Variants in LMF1 observed in about 807,000 individuals in gnomAD.
The protein encoded by LMF1 is lipase maturation factor 1.
A neutral mutation model predicts 60.6 loss-of-function variants in LMF1; 68 were observed. The ratio of observed to expected loss-of-function variants is 1.12; its 90% CI spans 0.92 to 1.37. The LOEUF (loss-of-function observed/expected upper bound fraction) is 1.37. LMF1 is among the 40% of genes most tolerant of loss of function. LMF1 has a pLI of 0.00. For synonymous variants in LMF1, 418 were observed against 324.7 expected, an observed-to-expected ratio of 1.29 and a Z score of -3.09; for missense variants, 948 against 767.2, an observed-to-expected ratio of 1.24 and a Z score of -2.78.
chr16:947,380 T>C (rs2072263152), intron 2 of LMF1: 2 of 423,406 alleles, frequency 4.7e-6, no homozygotes, highest in South Asian at 3.4e-5. Flanking sequence ...GTGTTGCAGG[T>C]ACTTGTGGAA....
Position 870,884 on chromosome 16 carries a change from T to G in LMF1, c.1079-2A>C, listed in dbSNP as rs769211813. The G allele has an allele frequency of 1.2e-6, 2 of 1,603,654 alleles. No individual in the cohort carries two copies. Among genetic ancestry groups the G allele is most frequent in the Non-Finnish European group, 1.7e-6 (2 of 1,178,014 alleles). ...TGGCTGCACGCCGCACCACGGAGCC[T>G]GGCAGGGGAGTGACATCTTCCAGGT... On this transcript the variant is annotated splice_acceptor_variant, in intron 7 of 10. Transcript: ENST00000262301. LOFTEE classifies it high-confidence loss of function.
rs564462747 is a variant in LMF1, at chr16:925,142, C to T, written c.514+9102G>A. Among the ~76,000 whole-genome samples, 7 of 152,260 alleles carry T rather than the reference C, an allele frequency of 4.6e-5. No homozygotes were observed. In the South Asian group the frequency reaches 6.2e-4, roughly 13 times the overall value. On this transcript the variant is annotated intron_variant, in intron 3 of 10. Transcript: ENST00000262301. ...AGCCACACAGGAAGCCCCTTGCTCACTGTCACTGTCACTAATCCACTAGGA... is the reference window on the plus strand; with the variant it reads ...AGCCACACAGGAAGCCCCTTGCTCATTGTCACTGTCACTAATCCACTAGGA...
At chr16:913,680 A>AACTGT (rs1457912105) in intron 3 of LMF1, among the ~76,000 whole-genome samples, 1 of 152,206 alleles carries the variant, frequency 6.6e-6, no homozygotes, top group Non-Finnish European at 1.5e-5. Flanking sequence ...CGCTGCAGGT[A>AACTGT]ACTGTACTGT....
chr16:978,122 C>T (rs2073221037), intron 1 of LMF1, among the ~76,000 whole-genome samples: 11 of 119,852 alleles, frequency 9.2e-5, no homozygotes, highest in Admixed American at 8.7e-4. Flanking sequence ...ACACACCATA[C>T]ACACACCACA....
At chr16:898,537 G>T (rs570406245) in intron 4 of LMF1, among the ~76,000 whole-genome samples, 108 of 152,370 alleles carry the variant, frequency 7.1e-4, no homozygotes, top group Non-Finnish European at 7.6e-4. Context: ...CAGCCCAGGT[G>T]GGGGCAGAGC....
intron 3 of LMF1, among the ~76,000 whole-genome samples, chr16:920,564 G>A (rs112595083): frequency 0.052 from 7,974 of 152,322 alleles, 233 homozygotes; most frequent in Non-Finnish European, 0.067. Context: ...GAGATGAGAG[G>A]CTTTTAGAAA....
intron 5 of LMF1, among the ~76,000 whole-genome samples, chr16:890,027 TGTG>T (rs1295181194): frequency 6.6e-6 from 1 of 152,078 alleles, no homozygotes; most frequent in East Asian, 1.9e-4. Flanking sequence ...CCACCCCAGA[TGTG>T]GTGTCCTCGC....
chr16:921,110 C>G (rs1326161990), intron 3 of LMF1: 1 of 152,232 alleles, frequency 6.6e-6, no homozygotes. Flanking sequence ...TCACAGACTG[C>G]GCTTAGAAGG....
At chr16:855,834 C>T (rs1476504209) in intron 10 of LMF1, 1 of 456,056 alleles carries the variant, frequency 2.2e-6, no homozygotes, top group East Asian at 6.9e-5. Context: ...TTCTGGTGAC[C>T]TGCACACAGC....
intron 1 of LMF1, chr16:976,909 A>C (rs1384031209): frequency 6.6e-6 from 3 of 454,102 alleles, no homozygotes; most frequent in South Asian, 4.7e-5. Context: ...GCGCGGGTTC[A>C]CGGATCAGGA....
chr16:882,297 C>T (rs976321447), intron 5 of LMF1, among the ~76,000 whole-genome samples: 3 of 152,250 alleles, frequency 2.0e-5, no homozygotes, highest in African/African-American at 4.8e-5. Context: ...GAGCATGGCT[C>T]GCCTCCCCTG....
intron 5 of LMF1, among the ~76,000 whole-genome samples, chr16:881,927 G>A (rs2070173517): frequency 6.6e-6 from 1 of 152,184 alleles, no homozygotes; most frequent in Non-Finnish European, 1.5e-5. Context: ...AGGGGAGCGG[G>A]GGCTGCTTAT....
rs944889908 is a variant in LMF1, at chr16:874,436, C to T, written c.898-3095G>A. Among the ~76,000 whole-genome samples, 1 of 152,182 alleles carries T rather than the reference C, an allele frequency of 6.6e-6. No homozygotes were observed. The highest frequency in any genetic ancestry group is 2.4e-5 in the African/African-American group (1 of 41,440). Reference sequence around the variant, plus strand: ...CTGAGCTCACCCCCTGCCCCTCCCGCCCTGGCAGTCCGGGGCTGCGTCTCC... The same window carrying T: ...CTGAGCTCACCCCCTGCCCCTCCCGTCCTGGCAGTCCGGGGCTGCGTCTCC... On this transcript the variant is annotated intron_variant, in intron 6 of 10. Coordinates refer to ENST00000262301, the MANE Select transcript of LMF1 (RefSeq NM_022773.4). The surrounding 1 kb of genome is among the most constrained non-coding windows in gnomAD (Gnocchi z 4.1).
intron 10 of LMF1, chr16:855,051 G>T (rs1418421324): frequency 2.6e-6 from 1 of 385,726 alleles, no homozygotes; most frequent in Non-Finnish European, 4.9e-6. Context: ...CGTTCACAAG[G>T]CCCCAGTTTG....
intron 5 of LMF1, among the ~76,000 whole-genome samples, chr16:889,892 G>A (rs1033203265): frequency 1.3e-5 from 2 of 152,200 alleles, no homozygotes; most frequent in African/African-American, 4.8e-5. Flanking sequence ...AGGTGAGAGG[G>A]GGGATGCAGC....
chr16:981,050 C>G, intron 1 of LMF1: 1 of 233,708 alleles, frequency 4.3e-6, no homozygotes, highest in Non-Finnish European at 8.8e-6. Flanking sequence ...CCCCCGGGAC[C>G]GCGCCCCCGC....
At chr16:862,706 A>G (rs1309744699) in intron 10 of LMF1, among the ~76,000 whole-genome samples, 1 of 152,016 alleles carries the variant, frequency 6.6e-6, no homozygotes, top group Non-Finnish European at 1.5e-5. Flanking sequence ...AAAACTAAAA[A>G]AATTAGTGAG....
intron 4 of LMF1, among the ~76,000 whole-genome samples, chr16:894,258 C>T (rs1436708797): frequency 2.2e-5 from 2 of 92,220 alleles, no homozygotes; most frequent in Admixed American, 1.1e-4. Context: ...GGACCGTCCG[C>T]CCACCTGTCC....
chr16:898,824 TCAGA>T (rs1271538962), intron 4 of LMF1: 5 of 152,206 alleles, frequency 3.3e-5, no homozygotes, highest in Non-Finnish European at 5.9e-5. Flanking sequence ...AACTTAGAAA[TCAGA>T]CAGAGCAGAT....
Sources: allele counts gnomAD v4.1 joint callset (sites outside exome capture counted in the v4.1 genomes callset), GRCh38; gene constraint gnomAD v4.1.1; non-coding constraint Gnocchi (gnomAD v3.1); transcripts MANE v1.5; gene names NCBI Gene and HGNC (gene_info 2026-07-23, HGNC 2026-07-21).